L3MBTL3: variants seen among roughly 807,000 people sequenced by gnomAD.
L3MBTL3 encodes lethal(3)malignant brain tumor-like protein 3.
In L3MBTL3, 27 loss-of-function variants were observed where a neutral mutation model predicts 102.3. The observed-to-expected ratio is 0.26, with a 90% CI of 0.19 to 0.36. The LOEUF is 0.36. L3MBTL3 is among the 10% of genes least tolerant of loss of function. The pLI, the probability that L3MBTL3 is intolerant of heterozygous loss-of-function variation, is 1.00. For missense variants in L3MBTL3, 798 were observed against 955.3 expected (o/e 0.84, Z 2.17); for synonymous variants, 340 against 320.9 (o/e 1.06, Z -0.64).
intron 14 of L3MBTL3, among the ~76,000 whole-genome samples, chr6:130,080,648 A>G (rs952459231): frequency 6.6e-6 from 1 of 152,194 alleles, no homozygotes; most frequent in Non-Finnish European, 1.5e-5. Flanking sequence ...CTGGACGTTT[A>G]TAATTCAGTC....
chr6:130,037,668 C>T (rs1584295505), intron 2 of L3MBTL3, among the ~76,000 whole-genome samples: 1 of 152,046 alleles, frequency 6.6e-6, no homozygotes, highest in Admixed American at 6.6e-5. Flanking sequence ...AATAATTGTA[C>T]ACATTAATGG....
intron 19 of L3MBTL3, among the ~76,000 whole-genome samples, chr6:130,107,785 G>A (rs1189409127): frequency 6.6e-6 from 1 of 152,220 alleles, no homozygotes; most frequent in Non-Finnish European, 1.5e-5. Context: ...TTTGGAGGTA[G>A]AAAGTTGATG....
chr6:130,098,361 G>A (rs1784479999), intron 18 of L3MBTL3, among the ~76,000 whole-genome samples: 1 of 152,052 alleles, frequency 6.6e-6, no homozygotes, highest in African/African-American at 2.4e-5. Flanking sequence ...TAGAGGAGAG[G>A]GTCCCTCCTT....
chr6:130,031,743 G>A (rs889168924), intron 2 of L3MBTL3, among the ~76,000 whole-genome samples: 4 of 152,094 alleles, frequency 2.6e-5, no homozygotes, highest in African/African-American at 7.2e-5. Flanking sequence ...ATGTGACTAA[G>A]CCTTCACTGT....
intron 7 of L3MBTL3, among the ~76,000 whole-genome samples, chr6:130,053,876 T>C (rs566357386): frequency 6.6e-6 from 1 of 152,202 alleles, no homozygotes; most frequent in Non-Finnish European, 1.5e-5. Flanking sequence ...AATACAGGGA[T>C]GCATAAGACA....
chr6:130,026,156 T>C (rs571742492), intron 2 of L3MBTL3, among the ~76,000 whole-genome samples: 1 of 152,262 alleles, frequency 6.6e-6, no homozygotes, highest in East Asian at 1.9e-4. Flanking sequence ...GTATATCGAG[T>C]GCCTTCTGAA....
intron 2 of L3MBTL3, among the ~76,000 whole-genome samples, chr6:130,033,725 C>A (rs540906843): frequency 1.1e-4 from 16 of 152,116 alleles, no homozygotes; most frequent in African/African-American, 3.1e-4. Flanking sequence ...AACTCATAAC[C>A]GTAGTATTTC....
At chr6:130,092,058 A>T (rs900471350) in intron 16 of L3MBTL3, among the ~76,000 whole-genome samples, 3 of 152,164 alleles carry the variant, frequency 2.0e-5, no homozygotes, top group African/African-American at 7.2e-5. Flanking sequence ...TGGATACCCC[A>T]GTTACCCTGA....
intron 13 of L3MBTL3, among the ~76,000 whole-genome samples, chr6:130,071,899 T>C (rs1782659418): frequency 6.6e-6 from 1 of 152,148 alleles, no homozygotes; most frequent in South Asian, 2.1e-4. Context: ...CAGATGGGAT[T>C]CTTAGATACT....
chr6:130,045,766 G>A (rs1041548142), intron 3 of L3MBTL3, among the ~76,000 whole-genome samples: 1 of 152,192 alleles, frequency 6.6e-6, no homozygotes, highest in African/African-American at 2.4e-5. Flanking sequence ...AGCTTCAGGT[G>A]CCTGGAAATA....
chr6:130,108,450 G>T (rs1261826333), intron 19 of L3MBTL3, among the ~76,000 whole-genome samples: 1 of 151,672 alleles, frequency 6.6e-6, no homozygotes, highest in Admixed American at 6.6e-5. Context: ...TAGCCAGGAT[G>T]GTCTCAATCT....
chr6:130,051,920 G>T (rs1781121422), intron 6 of L3MBTL3, among the ~76,000 whole-genome samples: 1 of 152,112 alleles, frequency 6.6e-6, no homozygotes, highest in African/African-American at 2.4e-5. Context: ...TGAGACAGAG[G>T]CATCAGCTGT....
chr6:130,020,454 G>A (rs907937846), intron 1 of L3MBTL3: 1 of 152,182 alleles, frequency 6.6e-6, no homozygotes, highest in South Asian at 2.1e-4. Flanking sequence ...AGAAAAAAAG[G>A]CCCTGCGATT....
chr6:130,020,665 G>A (rs994152063), intron 1 of L3MBTL3: 4 of 152,036 alleles, frequency 2.6e-5, no homozygotes, highest in Non-Finnish European at 1.5e-5. Flanking sequence ...CACGGGAGAC[G>A]GAGGTAAACG....
At chr6:130,087,842 G>GTT (rs1223731542) in intron 16 of L3MBTL3, among the ~76,000 whole-genome samples, 2 of 144,062 alleles carry the variant, frequency 1.4e-5, no homozygotes, top group Admixed American at 1.4e-4. Context: ...ATCTGCTGTT[G>GTT]TTTTTTTTTT....
chr6:130,078,161 G>C (rs1217084542), intron 13 of L3MBTL3, among the ~76,000 whole-genome samples: 1 of 152,130 alleles, frequency 6.6e-6, no homozygotes. Flanking sequence ...TCCTGCCTTT[G>C]TACATTTGCC....
chr6:130,097,889 G>A (rs1017359200), intron 18 of L3MBTL3, among the ~76,000 whole-genome samples: 2 of 152,174 alleles, frequency 1.3e-5, no homozygotes, highest in Non-Finnish European at 2.9e-5. Flanking sequence ...CCAACGTGAA[G>A]AAACCCCATC....
chr6:130,131,382 C>A (rs1479534675), intron 20 of L3MBTL3, among the ~76,000 whole-genome samples: 1 of 152,198 alleles, frequency 6.6e-6, no homozygotes, highest in Non-Finnish European at 1.5e-5. Flanking sequence ...CTGTCATATG[C>A]TGTTGGTAGG....
At chr6:130,098,027 A>C (rs1784458910) in intron 18 of L3MBTL3, among the ~76,000 whole-genome samples, 1 of 152,174 alleles carries the variant, frequency 6.6e-6, no homozygotes, top group African/African-American at 2.4e-5. Flanking sequence ...AGATTGCGCC[A>C]CTGCACTTCA....
Sources: gnomAD v4.1 joint callset for allele counts (sites outside exome capture counted in the v4.1 genomes callset) on GRCh38, gnomAD v4.1.1 for gene constraint, MANE v1.5 for transcripts, NCBI Gene and HGNC (gene_info 2026-07-23, HGNC 2026-07-21) for gene names.